Variants in USP9X observed in about 807,000 individuals in gnomAD.
USP9X encodes the protein ubiquitin specific peptidase 9 X-linked.
A neutral mutation model predicts 190.3 loss-of-function variants in USP9X; 7 were observed. The ratio of observed to expected loss-of-function variants is 0.04; its 90% confidence interval spans 0.02 to 0.07. The LOEUF is 0.07. Ranked by LOEUF, USP9X falls within the 10% of genes least tolerant of loss-of-function variation. The probability of loss-of-function intolerance (pLI) is 1.00; values close to 1 mark genes in which losing one functional copy is unlikely to be tolerated. For synonymous variants in USP9X, 645 were observed against 659.5 expected (o/e 0.98, Z 0.34); for missense variants, 1,010 against 1,916.9 (o/e 0.53, Z 8.83).
chrX:41,218,278 TTGTC>T (rs1346023501), intron 36 of USP9X, 90 bp from the exon 37 acceptor site: 1 of 878,176 alleles, frequency 1.1e-6, no homozygotes, highest in African/African-American at 2.0e-5. Context: ...AGGAAGATCT[TTGTC>T]TTTTTTTTTT....
intron 1 of USP9X, among the ~76,000 whole-genome samples, chrX:41,106,886 TC>T (rs1601938437): frequency 1.0e-5 from 1 of 97,601 alleles, no homozygotes; most frequent in Non-Finnish European, 2.0e-5. Flanking sequence ...TCTTTTCTTT[TC>T]TTTTTTTTTT....
chrX:41,215,842 T>A (rs2147244742), intron 34 of USP9X, 57 bp from the exon 35 acceptor site: 2 of 1,118,288 alleles, frequency 1.8e-6, no homozygotes, highest in East Asian at 6.0e-5. Flanking sequence ...TGGGGTTTTT[T>A]TTTTTTTCCT....
chrX:41,159,403 C>G (rs1218098908), intron 14 of USP9X, among the ~76,000 whole-genome samples: 4 of 112,031 alleles, frequency 3.6e-5, no homozygotes, highest in Non-Finnish European at 5.6e-5. Context: ...ACCATATTAC[C>G]CATTCCCAGT....
intron 2 of USP9X, among the ~76,000 whole-genome samples, chrX:41,128,484 A>G (rs1049362186): frequency 6.3e-5 from 7 of 111,897 alleles, no homozygotes; most frequent in Non-Finnish European, 1.1e-4. Flanking sequence ...TTTAAAGCAC[A>G]GTAGTACAGA....
chrX:41,197,332 C>CT, intron 28 of USP9X, 32 bp from the exon 29 acceptor site: 2 of 211,282 alleles, frequency 9.5e-6, no homozygotes, highest in Non-Finnish European at 1.6e-5. Context: ...TTGATTTCTT[C>CT]CCCCCCCCAC....
At chrX:41,108,198 C>A (rs773610363) in intron 1 of USP9X, among the ~76,000 whole-genome samples, 69 of 112,064 alleles carry the variant, frequency 6.2e-4, no homozygotes, top group African/African-American at 2.0e-3. Flanking sequence ...TGTTGCTCTT[C>A]AGCGGGTGTA....
intron 1 of USP9X, among the ~76,000 whole-genome samples, chrX:41,112,125 G>A (rs183318595): frequency 8.9e-5 from 10 of 112,481 alleles, no homozygotes; most frequent in African/African-American, 2.3e-4. Flanking sequence ...GATTACAGGC[G>A]TCAGCCACTG....
intron 1 of USP9X, among the ~76,000 whole-genome samples, chrX:41,113,745 AAAC>A (rs770903012): frequency 8.9e-6 from 1 of 111,852 alleles, no homozygotes; most frequent in East Asian, 2.8e-4. Context: ...AATTTGAAAA[AAAC>A]AGGATAAACT....
At chrX:41,186,445 A>G in intron 23 of USP9X, 72 bp from the exon 24 acceptor site, 1 of 1,131,932 alleles carries the variant, frequency 8.8e-7, no homozygotes, top group East Asian at 3.0e-5. Flanking sequence ...TGGGTGATGA[A>G]TGAAGAGCAA....
intron 1 of USP9X, among the ~76,000 whole-genome samples, chrX:41,097,452 G>C (rs1239498386): frequency 1.8e-5 from 2 of 111,144 alleles, no homozygotes; most frequent in African/African-American, 3.3e-5. Flanking sequence ...CTTGGTCTCA[G>C]GATGCTTTTA....
At chrX:41,229,190 CA>C in intron 41 of USP9X, 62 bp from the exon 42 acceptor site, 1 of 890,948 alleles carries the variant, frequency 1.1e-6, no homozygotes, top group East Asian at 3.5e-5. Context: ...ACATAGTAGG[CA>C]CTCAGTATAT....
chrX:41,184,288 A>T, intron 22 of USP9X, 109 bp from the exon 23 acceptor site: 1 of 1,011,091 alleles, frequency 9.9e-7, no homozygotes, highest in Non-Finnish European at 1.3e-6. Context: ...GAAATAAATA[A>T]TAGTGAGATG....
At chrX:41,230,697 T>A in intron 44 of USP9X, 101 bp downstream of exon 44, 1 of 681,766 alleles carries the variant, frequency 1.5e-6, no homozygotes, top group Non-Finnish European at 2.2e-6. Flanking sequence ...AAGTAAGAAG[T>A]AGGATTATCT....
chrX:41,123,404 C>G (rs759520188), intron 1 of USP9X, 67 bp from the exon 2 acceptor site: 1 of 366,892 alleles, frequency 2.7e-6, no homozygotes, highest in East Asian at 4.9e-5. Context: ...ATACTAAATT[C>G]GAACAGTTCC....
At chrX:41,125,718 T>TCTCTCGCGCG (rs1176200100) in intron 2 of USP9X, among the ~76,000 whole-genome samples, 11 of 99,186 alleles carry the variant, frequency 1.1e-4, no homozygotes, top group African/African-American at 4.5e-4. Flanking sequence ...TCTCTCTCTC[T>TCTCTCGCGCG]CGCGCACGCG....
chrX:41,162,712 C>T, intron 14 of USP9X, 78 bp from the exon 15 acceptor site: 3 of 800,082 alleles, frequency 3.7e-6, no homozygotes, highest in Admixed American at 3.5e-5. Flanking sequence ...TTTAACTGGC[C>T]TAATTTCTTT....
At chrX:41,180,457 G>GT (rs1267281955) in intron 21 of USP9X, among the ~76,000 whole-genome samples, 1 of 112,218 alleles carries the variant, frequency 8.9e-6, no homozygotes, top group Non-Finnish European at 1.9e-5. Flanking sequence ...CTTTCTTCAT[G>GT]TTTTATATAA....
intron 13 of USP9X, among the ~76,000 whole-genome samples, chrX:41,152,548 G>T (rs2062537971): frequency 8.9e-6 from 1 of 111,823 alleles, no homozygotes; most frequent in African/African-American, 3.2e-5. Flanking sequence ...AAAATGCTAA[G>T]AGCATTTTCT....
intron 14 of USP9X, among the ~76,000 whole-genome samples, chrX:41,157,849 C>A: frequency 9.0e-6 from 1 of 111,676 alleles, no homozygotes; most frequent in Non-Finnish European, 1.9e-5. Flanking sequence ...TACAAATATG[C>A]TCATAGAACT....
Sources: gnomAD v4.1 joint callset for allele counts (sites outside exome capture counted in the v4.1 genomes callset) on GRCh38, gnomAD v4.1.1 for gene constraint, MANE v1.5 for transcripts, NCBI Gene and HGNC (gene_info 2026-07-23, HGNC 2026-07-21) for gene names.